MRPS31: variants seen among roughly 807,000 people sequenced by gnomAD.
MRPS31 encodes small ribosomal subunit protein mS31.
Under a neutral mutation model 43.1 loss-of-function variants are expected in MRPS31, and 32 were observed. The observed-to-expected ratio is 0.74, with a 90% confidence interval of 0.56 to 1.00. The LOEUF is 1.00. Among genes scored for constraint, MRPS31 ranks in the 50% least tolerant of loss-of-function variants. MRPS31 has a pLI of 0.00. For missense variants in MRPS31, 437 were observed against 466.7 expected, an observed-to-expected ratio of 0.94 and a Z score of 0.59; for synonymous variants, 165 against 161.6, an observed-to-expected ratio of 1.02 and a Z score of -0.16.
intron 2 of MRPS31, among the ~76,000 whole-genome samples, chr13:40,760,631 CTTT>C (rs551721594): frequency 6.0e-5 from 8 of 133,726 alleles, no homozygotes; most frequent in Admixed American, 7.6e-5. Context: ...ACATTTTTTC[CTTT>C]TTTTTTTTTT....
chr13:40,760,134 CAAAAAAAAAAA>C lies in MRPS31; in HGVS notation c.441-1039_441-1029del, dbSNP rs11327076. On this transcript the variant is annotated intron_variant, in intron 2 of 6. Coordinates refer to ENST00000323563, the MANE Select transcript of MRPS31 (RefSeq NM_005830.4). ...CCTGGGTGTCAGAACTAGACTCTGT[CAAAAAAAAAAA>C]AAAAAAAAAAACTGTATGATTCCAT... Among the ~76,000 whole-genome samples, 5 of 77,902 alleles carry C rather than the reference CAAAAAAAAAAA, an allele frequency of 6.4e-5. No individual in the cohort carries two copies. The South Asian group carries it at 1.8e-3, about 29-fold the overall frequency. 51.1% of individuals were successfully genotyped at this position (77,902 alleles called of 152,430 possible). A position where few individuals can be genotyped will look rare whatever the true frequency, so the allele number is the denominator to read the frequency against.
chr13:40,759,063 C>T lies in MRPS31; in HGVS notation c.484G>A (p.Val162Met), dbSNP rs1880618360. 2 of 1,605,672 alleles carry T rather than the reference C, an allele frequency of 1.2e-6. No homozygotes were observed. Among genetic ancestry groups the T allele is most frequent in the Non-Finnish European group, 8.5e-7 (1 of 1,176,378 alleles). ...TTATCAAAAGGGAGAGAATCTGCCA[C>T]AGCAGATGCAGCTGCCACCAACTCA... Reference protein sequence around the residue: ...SPELVAAASAVADSLPFDKQT... With the variant: ...SPELVAAASAMADSLPFDKQT... Residue 162 changes from valine (V) to methionine (M), a missense_variant, in exon 3 of 7, where the codon GTG (valine) becomes ATG (methionine). Val to Met is a conservative substitution (Grantham distance 21). Coordinates refer to ENST00000323563, the MANE Select transcript of MRPS31 (RefSeq NM_005830.4).
At position 40,771,027 on chromosome 13, in the gene MRPS31, C is replaced by G. The variant is rs774498966; in HGVS notation, c.110G>C (p.Arg37Pro). 13 of 1,614,002 alleles carry G rather than the reference C, an allele frequency of 8.1e-6. No individual in the cohort carries two copies. The highest frequency in any genetic ancestry group is 5.0e-5 in the Admixed American group (3 of 59,984). The change falls in exon 1 of 7, where the codon CGG (arginine) becomes CCG (proline). Residue 37 changes from arginine to proline, a missense_variant. Arg to Pro is a moderately radical substitution (Grantham distance 103). Transcript: ENST00000323563. ...SAAAIMLLTVRHGTVRYRSSA... is the reference protein window; with the variant it reads ...SAAAIMLLTVPHGTVRYRSSA... ...ACTGCGGTACCTGACTGTTCCGTGC[C>G]GAACAGTGAGTAGCATAATCGCAGC...
Position 40,745,670 on chromosome 13 carries a change from A to C in MRPS31, c.958+3468T>G, listed in dbSNP as rs1880223300. 2.6e-5 allele frequency among the ~76,000 whole-genome samples: 4 copies of C among 152,160 alleles called. No homozygotes were observed. In the South Asian group the frequency reaches 8.3e-4, roughly 32 times the overall value. ...ATTTTAACAGTGTCTTTCACAGTGC[A>C]AATGTCTTATTTTTAATATAGTTCA... On this transcript the variant is annotated intron_variant, in intron 6 of 6. Transcript: ENST00000323563.
intron 5 of MRPS31, among the ~76,000 whole-genome samples, chr13:40,752,648 G>A (rs1880423175): frequency 6.6e-6 from 1 of 152,106 alleles, no homozygotes; most frequent in Non-Finnish European, 1.5e-5. Flanking sequence ...ATTAAATAGA[G>A]GGAAAATCAA....
At chr13:40,755,264 C>T (rs1880499232) in intron 4 of MRPS31, among the ~76,000 whole-genome samples, 1 of 152,144 alleles carries the variant, frequency 6.6e-6, no homozygotes, top group South Asian at 2.1e-4. Context: ...TCTTCAGTGC[C>T]TTGCATTCTT....
chr13:40,755,940 C>T (rs1880514745), intron 4 of MRPS31, among the ~76,000 whole-genome samples: 1 of 152,182 alleles, frequency 6.6e-6, no homozygotes, highest in Admixed American at 6.5e-5. Context: ...AGTACACCTT[C>T]TCCTTTATTC....
chr13:40,739,344 G>A (rs528671366), intron 6 of MRPS31, among the ~76,000 whole-genome samples: 195 of 152,260 alleles, frequency 1.3e-3, no homozygotes, highest in African/African-American at 4.2e-3. Flanking sequence ...AATCAATATC[G>A]TGAAAATGGC....
intron 2 of MRPS31, 63 bp from the exon 3 acceptor site, chr13:40,759,169 G>T: frequency 7.6e-7 from 1 of 1,318,460 alleles, no homozygotes; most frequent in Non-Finnish European, 1.0e-6. Flanking sequence ...CAGGTGCGGT[G>T]GCTCATGCCT....
At chr13:40,730,010 G>A (rs1010107942) in intron 6 of MRPS31, among the ~76,000 whole-genome samples, 1 of 151,804 alleles carries the variant, frequency 6.6e-6, no homozygotes, top group African/African-American at 2.4e-5. Flanking sequence ...GATTACAGGA[G>A]TGAGCCACCA....
chr13:40,738,815 A>T (rs1053088481), intron 6 of MRPS31, among the ~76,000 whole-genome samples: 2 of 152,202 alleles, frequency 1.3e-5, no homozygotes, highest in African/African-American at 4.8e-5. Context: ...TCTATGACAA[A>T]CCCACAGCCA....
At chr13:40,753,444 G>A (rs564482323) in intron 5 of MRPS31, among the ~76,000 whole-genome samples, 1 of 152,284 alleles carries the variant, frequency 6.6e-6, no homozygotes, top group African/African-American at 2.4e-5. Context: ...CTTACCTCCC[G>A]CTGTCTCACA....
intron 6 of MRPS31, among the ~76,000 whole-genome samples, chr13:40,729,931 T>C (rs983609970): frequency 7.2e-5 from 11 of 151,888 alleles, no homozygotes; most frequent in Non-Finnish European, 1.3e-4. Context: ...GGTTTCGCCA[T>C]GTTGGCCAGG....
Position 40,757,686 on chromosome 13 carries a change from C to T in MRPS31, c.600-673G>A, listed in dbSNP as rs538876402. Among the ~76,000 whole-genome samples the T allele has an allele frequency of 2.7e-5, 4 of 149,424 alleles. No homozygotes were observed. In the South Asian group the frequency reaches 6.4e-4, roughly 24 times the overall value. On this transcript the variant is annotated intron_variant, in intron 3 of 6. Coordinates refer to ENST00000323563, the MANE Select transcript of MRPS31 (RefSeq NM_005830.4). ...GTCTTGATCTCCTGACGTGGTGATC[C>T]GCTTGCCTCAGCCTCTCACAGTGCT...
rs769567703 is a variant in MRPS31 at position 40,771,026 on chromosome 13, C to T, written c.111G>A (p.Arg37=). 1.2e-6 allele frequency: 2 copies of T among 1,614,142 alleles called. No homozygotes were observed. The highest frequency in any genetic ancestry group is 1.7e-6 in the Non-Finnish European group (2 of 1,180,024). The change falls in exon 1 of 7, where the codon CGG becomes CGA. Residue 37 remains arginine, a synonymous_variant. Transcript: ENST00000323563. The part of the protein sequence containing the change: ...SAAAIMLLTV[R]HGTVRYRSSA... Reference sequence around the variant, plus strand: ...AACTGCGGTACCTGACTGTTCCGTGCCGAACAGTGAGTAGCATAATCGCAG... The same window carrying T: ...AACTGCGGTACCTGACTGTTCCGTGTCGAACAGTGAGTAGCATAATCGCAG...
In MRPS31 at chr13:40,756,947, T is replaced by C; in HGVS notation, c.666A>G (p.Pro222=). 1 of 1,613,904 alleles carries C rather than the reference T, an allele frequency of 6.2e-7. No homozygotes were observed. Among genetic ancestry groups the C allele is most frequent in the South Asian group, 1.1e-5 (1 of 91,026 alleles). Residue 222 remains proline, a synonymous_variant, in exon 4 of 7, where the codon CCA becomes CCG. Transcript: ENST00000323563. ...CTTCATCAAACTGAATCCGAAGCTC[T>C]GGTCTTGAACGAACTCTAGCTGTAG... is the stretch of plus-strand genomic sequence containing the variant. The part of the protein sequence containing the change: ...RSATARVRSR[P]ELRIQFDEGY...
intron 6 of MRPS31, among the ~76,000 whole-genome samples, chr13:40,737,189 CATTACATAATGGTA>C (rs1418764634): frequency 6.6e-6 from 1 of 151,408 alleles, no homozygotes; most frequent in Non-Finnish European, 1.5e-5. Flanking sequence ...CAAAGAAGGC[CATTACATAATGGTA>C]AAGGGATCAA....
At chr13:40,766,555 A>G (rs148967701) in intron 2 of MRPS31, among the ~76,000 whole-genome samples, 191 bp downstream of exon 2, 2,667 of 152,282 alleles carry the variant, frequency 0.018, 56 homozygotes, top group African/African-American at 0.058. Flanking sequence ...TCGTCCTCCC[A>G]AAGTGCTGGG....
intron 3 of MRPS31, 63 bp downstream of exon 3, chr13:40,758,885 C>T (rs1880612322): frequency 2.1e-6 from 3 of 1,412,090 alleles, no homozygotes; most frequent in Non-Finnish European, 2.8e-6. Flanking sequence ...TACTCACTAG[C>T]CATATGAAAA....
Sources: gnomAD v4.1 joint callset for allele counts (sites outside exome capture counted in the v4.1 genomes callset) on GRCh38, gnomAD v4.1.1 for gene constraint, MANE v1.5 for transcripts, NCBI Gene and HGNC (gene_info 2026-07-23, HGNC 2026-07-21) for gene names.